Variants in TMEM154 observed in about 807,000 individuals in gnomAD.
The protein encoded by TMEM154 is transmembrane protein 154.
Under a neutral mutation model 24.5 loss-of-function variants are expected in TMEM154, and 27 were observed. That is an observed-to-expected ratio of 1.10 (90% CI 0.81 to 1.52). TMEM154 has a LOEUF of 1.52. Among genes scored for constraint, TMEM154 ranks in the 40% most tolerant of loss-of-function variants. The pLI is 0.00. For synonymous variants in TMEM154, 67 were observed against 76.8 expected, an observed-to-expected ratio of 0.87 and a Z score of 0.67; for missense variants, 228 against 213.4, an observed-to-expected ratio of 1.07 and a Z score of -0.43.
chr4:152,624,908 G>A lies in TMEM154; in HGVS notation c.*3638C>T, dbSNP rs528454891. On this transcript the variant is annotated 3_prime_UTR_variant, in exon 7 of 7. Coordinates refer to ENST00000304385, the MANE Select transcript of TMEM154 (RefSeq NM_152680.3). ...CCCAGAATTCATCCTGAATGTCTCT[G>A]AATGTGAAAAGTCACATGCGTTAAT... The A allele has an allele frequency of 4.3e-4, 66 of 152,320 alleles. No homozygotes were observed. The highest frequency in any genetic ancestry group is 1.5e-3 in the African/African-American group (61 of 41,568). 9.4% of individuals were successfully genotyped at this position (152,320 alleles called of 1,614,324 possible).
rs898064998 is a variant in TMEM154 at position 152,679,949 on chromosome 4, C to G, written c.-16G>C. ...GAGCCTGCATGTCCGCTCGCCTCGG[C>G]AGAGGCGCGCTCAGGATGCTGCGCC... On this transcript the variant is annotated 5_prime_UTR_variant, in exon 1 of 7. Transcript: ENST00000304385. 4 of 1,603,094 alleles carry G rather than the reference C, an allele frequency of 2.5e-6. No homozygotes were observed. Among genetic ancestry groups the G allele is most frequent in the African/African-American group, 2.7e-5 (2 of 74,866 alleles).
intron 3 of TMEM154, 86 bp from the exon 4 acceptor site, chr4:152,644,528 C>G (rs1248964058): frequency 2.3e-6 from 3 of 1,301,336 alleles, no homozygotes; most frequent in Non-Finnish European, 3.3e-6. Context: ...GTCTCCTTTA[C>G]AAAGAGAGCA....
At chr4:152,668,184 G>A (rs1728757756) in intron 1 of TMEM154, among the ~76,000 whole-genome samples, 2 of 151,842 alleles carry the variant, frequency 1.3e-5, no homozygotes, top group Admixed American at 1.3e-4. Flanking sequence ...GTAGCACCTG[G>A]CAGTTTTAAA....
At position 152,656,185 on chromosome 4, in the gene TMEM154, G is replaced by A. The variant is rs146426505; in HGVS notation, c.65-3258C>T. On this transcript the variant is annotated intron_variant, in intron 1 of 6. Coordinates refer to ENST00000304385, the MANE Select transcript of TMEM154 (RefSeq NM_152680.3). Reference sequence around the variant, plus strand: ...CTAGCATGGGTACTTGGGACCCAGCGTGTTGTCCTACCACTGATACTGCCA... The same window carrying A: ...CTAGCATGGGTACTTGGGACCCAGCATGTTGTCCTACCACTGATACTGCCA... Among the ~76,000 whole-genome samples the A allele has an allele frequency of 9.4e-3, 1,425 of 152,196 alleles. 11 individuals carry two copies. The highest frequency in any genetic ancestry group is 0.027 in the Middle Eastern group (8 of 294).
Position 152,624,041 on chromosome 4 carries a change from A to G in TMEM154, c.*4505T>C, listed in dbSNP as rs1324550598. On this transcript the variant is annotated 3_prime_UTR_variant, in exon 7 of 7. Transcript: ENST00000304385. Reference sequence around the variant, plus strand: ...TACCTGAAGTCCAATTGTAAAAAAAACCCCAAAGCCCATCCACCTTTGTCT... The same window carrying G: ...TACCTGAAGTCCAATTGTAAAAAAAGCCCCAAAGCCCATCCACCTTTGTCT... 6.6e-6 allele frequency: 1 copy of G among 152,156 alleles called. No homozygotes were observed. The highest frequency in any genetic ancestry group is 1.5e-5 in the Non-Finnish European group (1 of 68,044). 9.4% of individuals were successfully genotyped at this position (152,156 alleles called of 1,614,324 possible).
intron 1 of TMEM154, among the ~76,000 whole-genome samples, chr4:152,677,426 A>T (rs1728972703): frequency 6.6e-6 from 1 of 152,272 alleles, no homozygotes; most frequent in Admixed American, 6.5e-5. Context: ...TCTAACAAAC[A>T]TCCCCAGGTA....
intron 1 of TMEM154, among the ~76,000 whole-genome samples, chr4:152,660,969 C>T (rs1444033855): frequency 6.6e-6 from 1 of 152,080 alleles, no homozygotes; most frequent in Non-Finnish European, 1.5e-5. Context: ...TGACCCGTGG[C>T]CCCGGGAAAA....
chr4:152,622,724 C>A lies in TMEM154; in HGVS notation c.*5822G>T, dbSNP rs1751861732. 1 of 152,074 alleles carries A rather than the reference C, an allele frequency of 6.6e-6. No homozygotes were observed. The highest frequency in any genetic ancestry group is 1.5e-5 in the Non-Finnish European group (1 of 68,032). The allele number at this position is 152,074 out of a possible 1,614,324, so 9.4% of individuals were successfully genotyped here. ...AATTGTAAATCATACTGGAAAAATA[C>A]TATACATATTATTCTCAGTATGCAA... On this transcript the variant is annotated 3_prime_UTR_variant, in exon 7 of 7. Transcript: ENST00000304385.
At chr4:152,643,292 C>G in intron 4 of TMEM154, 119 bp from the exon 5 acceptor site, 2 of 731,652 alleles carry the variant, frequency 2.7e-6, no homozygotes, top group South Asian at 3.6e-5. Context: ...GCCTTATGCT[C>G]TAGGGAAGCC....
chr4:152,650,559 G>A (rs1221052120), intron 3 of TMEM154, among the ~76,000 whole-genome samples: 1 of 152,072 alleles, frequency 6.6e-6, no homozygotes, highest in East Asian at 1.9e-4. Context: ...AGTCATTCAT[G>A]GGTCTTGGAA....
At chr4:152,663,249 A>T (rs1007328158) in intron 1 of TMEM154, among the ~76,000 whole-genome samples, 1 of 152,110 alleles carries the variant, frequency 6.6e-6, no homozygotes, top group Non-Finnish European at 1.5e-5. Context: ...CCAGAAGGTT[A>T]ATCTGCCTGG....
At chr4:152,655,759 C>T (rs1728478445) in intron 1 of TMEM154, among the ~76,000 whole-genome samples, 1 of 152,192 alleles carries the variant, frequency 6.6e-6, no homozygotes, top group African/African-American at 2.4e-5. Flanking sequence ...ATAGCCCCAG[C>T]TGGCTGCCTA....
At position 152,622,553 on chromosome 4, in the gene TMEM154, T is replaced by C. The variant is rs1021066434; in HGVS notation, c.*5993A>G. 6.6e-6 allele frequency: 1 copy of C among 152,260 alleles called. No homozygotes were observed. Among genetic ancestry groups the C allele is most frequent in the South Asian group, 2.1e-4 (1 of 4,826 alleles). 9.4% of individuals were successfully genotyped at this position (152,260 alleles called of 1,614,324 possible). A position where few individuals can be genotyped will look rare whatever the true frequency, so the allele number is the denominator to read the frequency against. ...GAAGCTATTCATTCCTCATATCTTA[T>C]AGTGCTTTATTTTTAAATTTATAAA... On this transcript the variant is annotated 3_prime_UTR_variant, in exon 7 of 7. Coordinates refer to ENST00000304385, the MANE Select transcript of TMEM154 (RefSeq NM_152680.3).
Position 152,621,206 on chromosome 4 carries a change from G to A in TMEM154, c.*7340C>T, listed in dbSNP as rs948135635. ...TACTTGGGAGGCTCACCCTTGTGCT[G>A]GTTCCCTCTCTTTCCTTCTTGTGAA... On this transcript the variant is annotated 3_prime_UTR_variant, in exon 7 of 7. Transcript: ENST00000304385. 3.3e-5 allele frequency: 5 copies of A among 152,244 alleles called. No homozygotes were observed. Among genetic ancestry groups the A allele is most frequent in the Non-Finnish European group, 7.3e-5 (5 of 68,058 alleles). 9.4% of individuals were successfully genotyped at this position (152,244 alleles called of 1,614,324 possible).
rs368552348 is a variant in TMEM154 at position 152,675,156 on chromosome 4, CAAAAAAAAAA to C, written c.64+4704_64+4713del. 9.6e-5 allele frequency among the ~76,000 whole-genome samples: 8 copies of C among 83,158 alleles called. No individual in the cohort carries two copies. In the South Asian group the frequency reaches 3.5e-3, roughly 37 times the overall value. The allele number at this position is 83,158 out of a possible 152,430, so 54.6% of individuals were successfully genotyped here. A position where few individuals can be genotyped will look rare whatever the true frequency, so the allele number is the denominator to read the frequency against. On this transcript the variant is annotated intron_variant, in intron 1 of 6. Coordinates refer to ENST00000304385, the MANE Select transcript of TMEM154 (RefSeq NM_152680.3). ...TGGGCAGCAGAGCGAGGCTCCATCT[CAAAAAAAAAA>C]AAAAAAAAAAAGAATGTGAGGCAAC...
intron 6 of TMEM154, among the ~76,000 whole-genome samples, chr4:152,629,133 T>C (rs1009670025): frequency 1.3e-5 from 2 of 152,266 alleles, no homozygotes; most frequent in Non-Finnish European, 2.9e-5. Context: ...TCCCTAGCTC[T>C]TTCTCCTCAT....
At chr4:152,645,427 G>A (rs1209764365) in intron 3 of TMEM154, among the ~76,000 whole-genome samples, 2 of 152,202 alleles carry the variant, frequency 1.3e-5, no homozygotes, top group East Asian at 3.8e-4. Context: ...ATGCACATCA[G>A]ACTCCAAATG....
rs1751870801 is a variant in TMEM154 at position 152,623,358 on chromosome 4, A to G, written c.*5188T>C. ...TAAATTATTACTAATCTACCAGATT[A>G]TTGTTTAACTTGTTGAATACCTATA... On this transcript the variant is annotated 3_prime_UTR_variant, in exon 7 of 7. Coordinates refer to ENST00000304385, the MANE Select transcript of TMEM154 (RefSeq NM_152680.3). The G allele has an allele frequency of 1.3e-5, 2 of 152,074 alleles. No individual in the cohort carries two copies. Among genetic ancestry groups the G allele is most frequent in the South Asian group, 4.1e-4 (2 of 4,830 alleles). 9.4% of individuals were successfully genotyped at this position (152,074 alleles called of 1,614,324 possible).
intron 3 of TMEM154, among the ~76,000 whole-genome samples, chr4:152,650,132 T>C (rs1728345249): frequency 6.6e-6 from 1 of 152,196 alleles, no homozygotes; most frequent in Non-Finnish European, 1.5e-5. Context: ...GGCAATGTCT[T>C]AAAGTAAGAT....
Sources: allele counts gnomAD v4.1 joint callset (sites outside exome capture counted in the v4.1 genomes callset), GRCh38; gene constraint gnomAD v4.1.1; transcripts MANE v1.5; gene names NCBI Gene and HGNC (gene_info 2026-07-23, HGNC 2026-07-21).